NUPR2: variants seen among roughly 807,000 people sequenced by gnomAD.
The protein encoded by NUPR2 is nuclear protein 2, transcriptional regulator.
Under a neutral mutation model 7.3 loss-of-function variants are expected in NUPR2, and 14 were observed. The ratio of observed to expected loss-of-function variants is 1.93; its 90% CI spans 1.27 to 3.01. The LOEUF (loss-of-function observed/expected upper bound fraction) is 3.01. Among genes scored for constraint, NUPR2 ranks in the 30% most tolerant of loss-of-function variants. The pLI is 0.00. For missense variants in NUPR2, 162 were observed against 143.7 expected, an observed-to-expected ratio of 1.13 and a Z score of -0.65; for synonymous variants, 56 against 59.7, an observed-to-expected ratio of 0.94 and a Z score of 0.29.
At chr7:56,115,521 T>C (rs1004448245) in intron 1 of NUPR2, among the ~76,000 whole-genome samples, 2 of 135,888 alleles carry the variant, frequency 1.5e-5, no homozygotes, top group East Asian at 2.2e-4. Context: ...AGTGGCACGA[T>C]CTCGGCTAAC....
chr7:56,115,453 G>GA lies in NUPR2; in HGVS notation c.*7-557_*7-556insT. Reference sequence around the variant, plus strand: ...TTTGTGTGTGTGTGTGTGTGTGTGTGTGTGTGTGTGTGTGTGTGTGTGTGA... The same window carrying GA: ...TTTGTGTGTGTGTGTGTGTGTGTGTGATGTGTGTGTGTGTGTGTGTGTGTGA... On this transcript the variant is annotated intron_variant, in intron 1 of 1. Transcript: ENST00000329309. Among the ~76,000 whole-genome samples, 2 of 38,866 alleles carry GA rather than the reference G, an allele frequency of 5.1e-5. 1 individual carries two copies. 25.5% of individuals were successfully genotyped at this position (38,866 alleles called of 152,430 possible).
chr7:56,116,318 G>C lies in NUPR2; in HGVS notation c.-4C>G. On this transcript the variant is annotated 5_prime_UTR_variant, in exon 1 of 2. Transcript: ENST00000329309. Reference sequence around the variant, plus strand: ...CCCGCTCTGCGGGCGCTTCCATCCTGCCCAGGCCTGTGGCCACCGGCGGCC... The same window carrying C: ...CCCGCTCTGCGGGCGCTTCCATCCTCCCCAGGCCTGTGGCCACCGGCGGCC... The C allele has an allele frequency of 7.2e-7, 1 of 1,385,934 alleles. No homozygotes were observed. Among genetic ancestry groups the C allele is most frequent in the Non-Finnish European group, 9.3e-7 (1 of 1,070,786 alleles). The allele number at this position is 1,385,934 out of a possible 1,614,324, so 85.9% of individuals were successfully genotyped here. A position where few individuals can be genotyped will look rare whatever the true frequency, so the allele number is the denominator to read the frequency against.
chr7:56,116,063 G>A lies in NUPR2; in HGVS notation c.252C>T (p.Arg84=). The change falls in exon 1 of 2, where the codon CGC becomes CGT. Residue 84 remains arginine, a synonymous_variant. Coordinates refer to ENST00000329309, the MANE Select transcript of NUPR2 (RefSeq NM_001145712.2). ...GCATCTTGGGATGCAGCTGGCGCTG[G>A]CGGCGCTTGCGCTGGCCATTGAGGA... The part of the protein sequence containing the change: ...QKLLNGQRKR[R]QRQLHPKMRT... 6.7e-7 allele frequency: 1 copy of A among 1,501,648 alleles called. No individual in the cohort carries two copies. The highest frequency in any genetic ancestry group is 8.9e-7 in the Non-Finnish European group (1 of 1,126,766). 93.0% of individuals were successfully genotyped at this position (1,501,648 alleles called of 1,614,324 possible). A position where few individuals can be genotyped will look rare whatever the true frequency, so the allele number is the denominator to read the frequency against.
At chr7:56,115,841 G>T (rs1035986109) in intron 1 of NUPR2, among the ~76,000 whole-genome samples, 174 bp downstream of exon 1, 1 of 151,890 alleles carries the variant, frequency 6.6e-6, no homozygotes, top group Non-Finnish European at 1.5e-5. Flanking sequence ...ATGAAGTTCC[G>T]CAGGCTTTAA....
intron 1 of NUPR2, among the ~76,000 whole-genome samples, chr7:56,115,413 A>ATATACATATGTATATATATACATGTG (rs1584650144): frequency 2.2e-5 from 1 of 46,368 alleles, no homozygotes; most frequent in East Asian, 1.6e-3. Flanking sequence ...ATATATATAT[A>ATATACATATGTATATATATACATGTG]TATATATATA....
At chr7:56,115,872 G>A in intron 1 of NUPR2, 143 bp downstream of exon 1, 2 of 609,684 alleles carry the variant, frequency 3.3e-6, no homozygotes, top group Non-Finnish European at 5.2e-6. Flanking sequence ...ATGGCCATAA[G>A]AGGCCAAGCT....
At position 56,116,165 on chromosome 7, in the gene NUPR2, G is replaced by A; in HGVS notation, c.150C>T (p.Gly50=). The change falls in exon 1 of 2, where the codon GGC becomes GGT. Residue 50 remains glycine, a synonymous_variant. Coordinates refer to ENST00000329309, the MANE Select transcript of NUPR2 (RefSeq NM_001145712.2). ...FPACGAGRSK[G]RTRREQALRT... ...GCAGCGCCTGCTCGCGCCGAGTCCG[G>A]CCCTTGCTGCGCCCTGCCCCGCAGG... The A allele has an allele frequency of 1.3e-6, 2 of 1,547,960 alleles. No individual in the cohort carries two copies. The highest frequency in any genetic ancestry group is 1.7e-6 in the Non-Finnish European group (2 of 1,145,690).
chr7:56,115,434 T>TATATATATAC (rs1562891885), intron 1 of NUPR2, among the ~76,000 whole-genome samples: 28 of 31,784 alleles, frequency 8.8e-4, no homozygotes, highest in Admixed American at 1.0e-3. Flanking sequence ...TATATTTGTG[T>TATATATATAC]GTGTGTGTGT....
chr7:56,116,159 A>G lies in NUPR2; in HGVS notation c.156T>C (p.Thr52=). 1 of 1,547,696 alleles carries G rather than the reference A, an allele frequency of 6.5e-7. No individual in the cohort carries two copies. Among genetic ancestry groups the G allele is most frequent in the African/African-American group, 1.4e-5 (1 of 72,368 alleles). Residue 52 remains threonine, a synonymous_variant, in exon 1 of 2, where the codon ACT becomes ACC. Coordinates refer to ENST00000329309, the MANE Select transcript of NUPR2 (RefSeq NM_001145712.2). The part of the protein sequence containing the change: ...ACGAGRSKGR[T]RREQALRTNW... ...TGGTGCGCAGCGCCTGCTCGCGCCG[A>G]GTCCGGCCCTTGCTGCGCCCTGCCC... is the stretch of plus-strand genomic sequence containing the variant.
Position 56,116,076 on chromosome 7 carries a change from T to C in NUPR2, c.239A>G (p.Gln80Arg), listed in dbSNP as rs2115621220. The change falls in exon 1 of 2, where the codon CAG (glutamine) becomes CGG (arginine). Residue 80 changes from glutamine to arginine, a missense_variant. By Grantham distance (43) the Gln-to-Arg change is conservative (BLOSUM62 1). Coordinates refer to ENST00000329309, the MANE Select transcript of NUPR2 (RefSeq NM_001145712.2). ...RKVAQKLLNG[Q>R]RKRRQRQLHP... The stretch of plus-strand genomic sequence containing the variant: ...CAGCTGGCGCTGGCGGCGCTTGCGC[T>C]GGCCATTGAGGAGCTTCTGCGCGAC... 4 of 1,519,064 alleles carry C rather than the reference T, an allele frequency of 2.6e-6. No individual in the cohort carries two copies. The highest frequency in any genetic ancestry group is 2.1e-4 in the Middle Eastern group (1 of 4,798). The allele number at this position is 1,519,064 out of a possible 1,614,324, so 94.1% of individuals were successfully genotyped here.
Position 56,116,099 on chromosome 7 carries a change from G to T in NUPR2, c.216C>A (p.Val72=), listed in dbSNP as rs1785546131. Residue 72 remains valine (V), a synonymous_variant, in exon 1 of 2, where the codon GTC becomes GTA. Transcript: ENST00000329309. ...GCTGGCCATTGAGGAGCTTCTGCGC[G>T]ACCTTGCGCTCGTGCCCGCCAGGTG... is the stretch of plus-strand genomic sequence containing the variant. ...WPAPGGHERK[V]AQKLLNGQRK... 6.5e-7 allele frequency: 1 copy of T among 1,536,242 alleles called. No homozygotes were observed. Among genetic ancestry groups the T allele is most frequent in the Non-Finnish European group, 8.8e-7 (1 of 1,140,740 alleles).
At chr7:56,115,806 G>C (rs1460228505) in intron 1 of NUPR2, among the ~76,000 whole-genome samples, 3 of 151,694 alleles carry the variant, frequency 2.0e-5, no homozygotes, top group Admixed American at 6.6e-5. Context: ...TGTTTTCTTC[G>C]TTTCCTAGCC....
intron 1 of NUPR2, among the ~76,000 whole-genome samples, chr7:56,115,419 A>ATATACATGTG: frequency 1.3e-4 from 2 of 14,868 alleles, no homozygotes; most frequent in South Asian, 2.1e-3. Context: ...ATATATATAT[A>ATATACATGTG]TATATATATT....
rs1416963443 is a variant in NUPR2, at chr7:56,116,291, CGCCCGCTCTGCGGGCGCTTCCATCCT to C, written c.-3_23del. The stretch of plus-strand genomic sequence containing the variant: ...GAGCCAGAGCCTGCAGACGTGGAAG[CGCCCGCTCTGCGGGCGCTTCCATCCT>C]GCCCAGGCCTGTGGCCACCGGCGGC... On this transcript the variant is annotated start_lost and 5_prime_UTR_variant, in exon 1 of 2. Coordinates refer to ENST00000329309, the MANE Select transcript of NUPR2 (RefSeq NM_001145712.2). 8 of 1,465,084 alleles carry C rather than the reference CGCCCGCTCTGCGGGCGCTTCCATCCT, an allele frequency of 5.5e-6. No homozygotes were observed. Among genetic ancestry groups the C allele is most frequent in the Non-Finnish European group, 6.3e-6 (7 of 1,117,170 alleles). 90.8% of individuals were successfully genotyped at this position (1,465,084 alleles called of 1,614,324 possible).
In NUPR2 at chr7:56,116,319, C is replaced by T. The variant is rs893254152; in HGVS notation, c.-5G>A. 11 of 1,386,384 alleles carry T rather than the reference C, an allele frequency of 7.9e-6. No homozygotes were observed. The highest frequency in any genetic ancestry group is 1.6e-5 in the South Asian group (1 of 62,248). The allele number at this position is 1,386,384 out of a possible 1,614,324, so 85.9% of individuals were successfully genotyped here. The stretch of plus-strand genomic sequence containing the variant: ...CCGCTCTGCGGGCGCTTCCATCCTG[C>T]CCAGGCCTGTGGCCACCGGCGGCCA... On this transcript the variant is annotated 5_prime_UTR_variant, in exon 1 of 2. Transcript: ENST00000329309.
Position 56,115,428 on chromosome 7 carries a change from TTTGTGTGTGTGTGTGTGTGTGTGTG to T in NUPR2, c.*7-556_*7-532del, listed in dbSNP as rs1785529071. ...ATATATATATATATATATATATATA[TTTGTGTGTGTGTGTGTGTGTGTGTG>T]TGTGTGTGTGTGTGTGTGTGTGTGA... On this transcript the variant is annotated intron_variant, in intron 1 of 1. Coordinates refer to ENST00000329309, the MANE Select transcript of NUPR2 (RefSeq NM_001145712.2). Among the ~76,000 whole-genome samples, 2 of 45,932 alleles carry T rather than the reference TTTGTGTGTGTGTGTGTGTGTGTGTG, an allele frequency of 4.4e-5. 1 individual carries two copies. The highest frequency in any genetic ancestry group is 2.6e-3 in the East Asian group (2 of 758). The allele number at this position is 45,932 out of a possible 152,430, so 30.1% of individuals were successfully genotyped here.
Position 56,116,058 on chromosome 7 carries a change from C to T in NUPR2, c.257G>A (p.Arg86His). Residue 86 changes from arginine (R) to histidine (H), a missense_variant, in exon 1 of 2, where the codon CGC becomes CAC. Coordinates refer to ENST00000329309, the MANE Select transcript of NUPR2 (RefSeq NM_001145712.2). ...LLNGQRKRRQ[R>H]QLHPKMRTRL... Reference sequence around the variant, plus strand: ...AGTGCGCATCTTGGGATGCAGCTGGCGCTGGCGGCGCTTGCGCTGGCCATT... The same window carrying T: ...AGTGCGCATCTTGGGATGCAGCTGGTGCTGGCGGCGCTTGCGCTGGCCATT... The T allele has an allele frequency of 6.7e-7, 1 of 1,497,972 alleles. No homozygotes were observed. The highest frequency in any genetic ancestry group is 8.9e-7 in the Non-Finnish European group (1 of 1,125,610). The allele number at this position is 1,497,972 out of a possible 1,614,324, so 92.8% of individuals were successfully genotyped here.
intron 1 of NUPR2, among the ~76,000 whole-genome samples, chr7:56,115,429 T>TATATATACGTA (rs1554376538): frequency 3.2e-5 from 1 of 30,988 alleles, no homozygotes; most frequent in Non-Finnish European, 5.4e-5. Flanking sequence ...ATATATATAT[T>TATATATACGTA]TGTGTGTGTG....
intron 1 of NUPR2, among the ~76,000 whole-genome samples, chr7:56,115,232 A>G (rs887428464): frequency 1.3e-5 from 2 of 150,914 alleles, no homozygotes; most frequent in Non-Finnish European, 2.9e-5. Flanking sequence ...CACCGGGCCC[A>G]GCCCAATTAC....
Sources: allele counts gnomAD v4.1 joint callset (sites outside exome capture counted in the v4.1 genomes callset), GRCh38; gene constraint gnomAD v4.1.1; transcripts MANE v1.5; gene names NCBI Gene and HGNC (gene_info 2026-07-23, HGNC 2026-07-21).